Variants in CADPS2 observed in about 807,000 individuals in gnomAD.
The protein encoded by CADPS2 is calcium-dependent secretion activator 2.
Under a neutral mutation model 172.5 loss-of-function variants are expected in CADPS2, and 93 were observed. The ratio of observed to expected loss-of-function variants is 0.54; its 90% confidence interval spans 0.46 to 0.64. CADPS2 has a LOEUF of 0.64. Ranked by LOEUF, CADPS2 falls within the 30% of genes least tolerant of loss-of-function variation. The pLI, the probability that CADPS2 is intolerant of heterozygous loss-of-function variation, is 0.00. For missense variants in CADPS2, 1,420 were observed against 1,565.9 expected (o/e 0.91, Z 1.57); for synonymous variants, 546 against 555.2 (o/e 0.98, Z 0.23).
At chr7:122,542,709 T>C (rs938036844) in intron 8 of CADPS2, among the ~76,000 whole-genome samples, 2 of 152,114 alleles carry the variant, frequency 1.3e-5, no homozygotes, top group African/African-American at 4.8e-5. Context: ...TCATTCACTT[T>C]ATTCATTATT....
chr7:122,403,502 A>G (rs1485939723), intron 20 of CADPS2, among the ~76,000 whole-genome samples: 1 of 152,254 alleles, frequency 6.6e-6, no homozygotes, highest in East Asian at 1.9e-4. Context: ...CGGTACAACA[A>G]AATAACACAA....
chr7:122,590,185 A>C lies in CADPS2; in HGVS notation c.1224-8895T>G, dbSNP rs1216636704. Among the ~76,000 whole-genome samples the C allele has an allele frequency of 2.0e-5, 3 of 151,944 alleles. No individual in the cohort carries two copies. The East Asian group carries it at 5.8e-4, about 29-fold the overall frequency. On this transcript the variant is annotated intron_variant, in intron 6 of 29. Coordinates refer to ENST00000449022, the MANE Select transcript of CADPS2 (RefSeq NM_017954.11). ...GAAAAACAAACAAACAAACAAAAAAACAAAGTGGAATGCATCACATGTCCC... is the reference window on the plus strand; with the variant it reads ...GAAAAACAAACAAACAAACAAAAAACCAAAGTGGAATGCATCACATGTCCC...
At chr7:122,801,180 T>C (rs773035988) in intron 1 of CADPS2, among the ~76,000 whole-genome samples, 1 of 152,018 alleles carries the variant, frequency 6.6e-6, no homozygotes, top group Non-Finnish European at 1.5e-5. Context: ...TAGGGAGAGA[T>C]AGAGACCAAA....
chr7:122,473,568 T>C (rs940167191), intron 13 of CADPS2, among the ~76,000 whole-genome samples: 2 of 152,178 alleles, frequency 1.3e-5, no homozygotes, highest in Admixed American at 6.5e-5. Flanking sequence ...GCATTTTGGA[T>C]AAGGGATAGT....
chr7:122,431,567 TAAG>T lies in CADPS2; in HGVS notation c.2476+6771_2476+6773del, dbSNP rs547354869. On this transcript the variant is annotated intron_variant, in intron 17 of 29. Transcript: ENST00000449022. ...ACAAGCTCGTCAAGGGCGGGGAGTGTAAGAAGAGATCAACAGACAGACAGTGGG... is the reference window on the plus strand; with the variant it reads ...ACAAGCTCGTCAAGGGCGGGGAGTGTAAGAGATCAACAGACAGACAGTGGG... Among the ~76,000 whole-genome samples, 275 of 152,164 alleles carry T rather than the reference TAAG, an allele frequency of 1.8e-3. 3 individuals are homozygous for T. Among genetic ancestry groups the T allele is most frequent in the African/African-American group, 6.2e-3 (257 of 41,508 alleles).
At chr7:122,817,842 A>T in intron 1 of CADPS2, among the ~76,000 whole-genome samples, 1 of 135,560 alleles carries the variant, frequency 7.4e-6, no homozygotes, top group East Asian at 2.2e-4. Flanking sequence ...ATATCTCTGC[A>T]CCCCAATCCC....
intron 1 of CADPS2, among the ~76,000 whole-genome samples, chr7:122,748,326 T>C (rs2092806903): frequency 6.6e-6 from 1 of 152,182 alleles, no homozygotes; most frequent in Non-Finnish European, 1.5e-5. Context: ...TGGGTAGCTC[T>C]GTTTTGCAGA....
intron 7 of CADPS2, among the ~76,000 whole-genome samples, chr7:122,576,203 C>G (rs1042218652): frequency 6.6e-6 from 1 of 152,110 alleles, no homozygotes; most frequent in African/African-American, 2.4e-5. Flanking sequence ...CCATGTTTGT[C>G]TGATGATTAG....
At chr7:122,727,994 T>A (rs962430116) in intron 2 of CADPS2, among the ~76,000 whole-genome samples, 1 of 151,914 alleles carries the variant, frequency 6.6e-6, no homozygotes, top group Non-Finnish European at 1.5e-5. Context: ...TATCTCCTCT[T>A]GCCACAGCCT....
intron 29 of CADPS2, among the ~76,000 whole-genome samples, chr7:122,324,444 C>A (rs2033381566): frequency 6.6e-6 from 1 of 152,100 alleles, no homozygotes. Context: ...TGTATTAGAA[C>A]CATCTGGAGG....
chr7:122,391,976 T>C (rs2044425531), intron 22 of CADPS2, among the ~76,000 whole-genome samples: 1 of 152,184 alleles, frequency 6.6e-6, no homozygotes, highest in Non-Finnish European at 1.5e-5. Flanking sequence ...AGTTTCTTTA[T>C]GACTTAGTTT....
At chr7:122,430,838 T>C (rs1357321805) in intron 17 of CADPS2, among the ~76,000 whole-genome samples, 1 of 152,246 alleles carries the variant, frequency 6.6e-6, no homozygotes, top group Non-Finnish European at 1.5e-5. Flanking sequence ...AAAATCCTTT[T>C]ATTCTGCAAA....
intron 15 of CADPS2, among the ~76,000 whole-genome samples, chr7:122,446,362 T>C (rs1422783719): frequency 6.6e-6 from 1 of 152,182 alleles, no homozygotes; most frequent in African/African-American, 2.4e-5. Flanking sequence ...TATTCAGGAA[T>C]GCTCTTAAAT....
chr7:122,583,685 G>A (rs182442078), intron 6 of CADPS2, among the ~76,000 whole-genome samples: 153 of 150,556 alleles, frequency 1.0e-3, no homozygotes, highest in African/African-American at 3.2e-3. Context: ...GTGTATATAC[G>A]TATATACATA....
chr7:122,764,308 G>A (rs1488080413), intron 1 of CADPS2, among the ~76,000 whole-genome samples: 1 of 152,036 alleles, frequency 6.6e-6, no homozygotes, highest in Non-Finnish European at 1.5e-5. Context: ...CTCTCTACTT[G>A]AAAATAAGAT....
chr7:122,366,856 A>T (rs2040984351), intron 25 of CADPS2: 1 of 151,928 alleles, frequency 6.6e-6, no homozygotes, highest in Non-Finnish European at 1.5e-5. Flanking sequence ...ACGTTATAGG[A>T]AGGAGGGAGT....
At chr7:122,369,275 T>C (rs577271620) in intron 25 of CADPS2, among the ~76,000 whole-genome samples, 2,285 of 151,728 alleles carry the variant, frequency 0.015, 30 homozygotes, top group Non-Finnish European at 0.023. Context: ...GGACTACATG[T>C]GCCCGCCACC....
intron 16 of CADPS2, 34 bp from the exon 17 acceptor site, chr7:122,438,498 G>A (rs1563339401): frequency 6.2e-7 from 1 of 1,609,616 alleles, no homozygotes; most frequent in Admixed American, 1.7e-5. Flanking sequence ...GTGAGGGGCA[G>A]GGTTGGGGAT....
In CADPS2 at chr7:122,694,062, T is replaced by C. The variant is rs373345383; in HGVS notation, c.454-30493A>G. Among the ~76,000 whole-genome samples the C allele has an allele frequency of 8.5e-5, 13 of 152,320 alleles. No homozygotes were observed. In the East Asian group the frequency reaches 1.2e-3, roughly 14 times the overall value. On this transcript the variant is annotated intron_variant, in intron 2 of 29. Coordinates refer to ENST00000449022, the MANE Select transcript of CADPS2 (RefSeq NM_017954.11). Reference sequence around the variant, plus strand: ...ATAATAAATATTACAACTTGAGTAATAGCTGACTGTTTAGAAGTATTAAAA... The same window carrying C: ...ATAATAAATATTACAACTTGAGTAACAGCTGACTGTTTAGAAGTATTAAAA...
Sources: allele counts gnomAD v4.1 joint callset (sites outside exome capture counted in the v4.1 genomes callset), GRCh38; gene constraint gnomAD v4.1.1; transcripts MANE v1.5; gene names NCBI Gene and HGNC (gene_info 2026-07-23, HGNC 2026-07-21).